The following ENTPD5 variants were observed in gnomAD, a reference collection of about 807,000 sequenced individuals.
ENTPD5 encodes nucleoside diphosphate phosphatase ENTPD5.
A neutral mutation model predicts 60.2 loss-of-function variants in ENTPD5; 49 were observed. The observed-to-expected ratio is 0.81, with a 90% CI of 0.65 to 1.03. The LOEUF (loss-of-function observed/expected upper bound fraction) is 1.03. ENTPD5 is among the 50% of genes least tolerant of loss of function. ENTPD5 has a pLI of 0.00. For missense variants in ENTPD5, 480 were observed against 507.6 expected (o/e 0.95, Z 0.52); for synonymous variants, 187 against 185.4 (o/e 1.01, Z -0.07).
chr14:73,962,170 A>G (rs1298884695), downstream of ENTPD5, among the ~76,000 whole-genome samples: 1 of 149,866 alleles, frequency 6.7e-6, no homozygotes, highest in African/African-American at 2.5e-5. Context: ...CTGGTCTTGA[A>G]CTCCTGACCT....
chr14:73,988,043 A>G lies in ENTPD5; in HGVS notation c.60T>C (p.Ala20=). The G allele has an allele frequency of 6.2e-7, 1 of 1,614,012 alleles. No homozygotes were observed. The highest frequency in any genetic ancestry group is 8.5e-7 in the Non-Finnish European group (1 of 1,180,022). Residue 20 remains alanine (A), a synonymous_variant, in exon 4 of 16, where the codon GCT becomes GCC. Transcript: ENST00000334696. ...FMLVVSCVCS[A]VSHRNQQTWF... ...AAGTCTGCTGGTTCCTGTGGGAGAC[A>G]GCGCTGCAAACACAGGATACCACCA...
chr14:73,977,709 T>G (rs1371229630), intron 6 of ENTPD5, among the ~76,000 whole-genome samples: 1 of 152,192 alleles, frequency 6.6e-6, no homozygotes, highest in African/African-American at 2.4e-5. Flanking sequence ...CCTGATAAAC[T>G]CTACCTGGAC....
intron 3 of ENTPD5, among the ~76,000 whole-genome samples, chr14:74,001,459 A>G (rs1481413613): frequency 6.0e-5 from 9 of 150,842 alleles, no homozygotes. Flanking sequence ...CCGAGATTGC[A>G]CCACTGCACT....
Position 73,999,170 on chromosome 14 carries a change from C to T in ENTPD5, c.-70-10998G>A, listed in dbSNP as rs915141436. 5.9e-5 allele frequency among the ~76,000 whole-genome samples: 9 copies of T among 152,176 alleles called. No individual in the cohort carries two copies. The East Asian group carries it at 7.7e-4, about 13-fold the overall frequency. Reference sequence around the variant, plus strand: ...GGTGGCAGACATATATAAAAATAACCGTAACTTTTTAAACTAAGCATAAAA... The same window carrying T: ...GGTGGCAGACATATATAAAAATAACTGTAACTTTTTAAACTAAGCATAAAA... On this transcript the variant is annotated intron_variant, in intron 3 of 15. Coordinates refer to ENST00000334696, the MANE Select transcript of ENTPD5 (RefSeq NM_001249.5).
At chr14:73,974,656 T>A (rs910212092) in intron 11 of ENTPD5, among the ~76,000 whole-genome samples, 1 of 152,210 alleles carries the variant, frequency 6.6e-6, no homozygotes, top group African/African-American at 2.4e-5. Flanking sequence ...AGCCTGGGAT[T>A]TCTGCAGACA....
intron 5 of ENTPD5, among the ~76,000 whole-genome samples, chr14:73,985,721 G>C (rs1433694426): frequency 6.6e-6 from 1 of 151,920 alleles, no homozygotes; most frequent in Non-Finnish European, 1.5e-5. Context: ...AGTTTCTTTT[G>C]AACAGCTCCA....
intron 2 of ENTPD5, among the ~76,000 whole-genome samples, chr14:74,013,243 GCA>G (rs1335825548): frequency 1.3e-5 from 2 of 152,274 alleles, no homozygotes; most frequent in Admixed American, 6.5e-5. Context: ...CCTATTTTAA[GCA>G]TACTCTGAAT....
chr14:73,968,916 CA>C (rs1369242559), intron 15 of ENTPD5, among the ~76,000 whole-genome samples: 1 of 152,110 alleles, frequency 6.6e-6, no homozygotes, highest in African/African-American at 2.4e-5. Context: ...TGGAGAGAGA[CA>C]GGAGGACAAA....
At position 73,985,010 on chromosome 14, in the gene ENTPD5, G is replaced by A. The variant is rs149271128; in HGVS notation, c.297+1804C>T. Among the ~76,000 whole-genome samples, 362 of 152,170 alleles carry A rather than the reference G, an allele frequency of 2.4e-3. 5 individuals carry two copies. The highest frequency in any genetic ancestry group is 8.4e-3 in the African/African-American group (347 of 41,500). On this transcript the variant is annotated intron_variant, in intron 5 of 15. Transcript: ENST00000334696. ...GCGGTGTTTGGTTTTCTGTTCTTGC[G>A]ACAGTTTGCTCAGAATGATGGTTTC...
intron 5 of ENTPD5, 91 bp downstream of exon 5, chr14:73,986,723 A>G: frequency 1.1e-6 from 1 of 887,472 alleles, no homozygotes; most frequent in Non-Finnish European, 1.9e-6. Flanking sequence ...TCTCAATCTC[A>G]TTAGTGAATA....
chr14:74,010,566 AT>A (rs2058818002), intron 3 of ENTPD5, among the ~76,000 whole-genome samples: 1 of 152,250 alleles, frequency 6.6e-6, no homozygotes, highest in African/African-American at 2.4e-5. Flanking sequence ...AAAAAAAAAA[AT>A]AAAAAGTGTT....
downstream of ENTPD5, chr14:73,958,771 TC>T: frequency 6.7e-7 from 1 of 1,484,572 alleles, no homozygotes; most frequent in Non-Finnish European, 8.9e-7. Context: ...TTCAGTCATG[TC>T]CAGCTTTGGC....
At chr14:73,986,538 C>G (rs775542279) in intron 5 of ENTPD5, 11 of 355,866 alleles carry the variant, frequency 3.1e-5, no homozygotes, top group Non-Finnish European at 5.2e-5. Flanking sequence ...ATGGCTTCAA[C>G]TCAAAATTTT....
rs1457380498 is a variant in ENTPD5 at position 74,015,359 on chromosome 14, G to A, written c.-131+465C>T. On this transcript the variant is annotated intron_variant, in intron 2 of 15. Coordinates refer to ENST00000334696, the MANE Select transcript of ENTPD5 (RefSeq NM_001249.5). ...AAAGCAGAAGTACTACCCACCCCCC[G>A]CCCCCCCTTTTTTTTTTGAGAAACA... is the stretch of plus-strand genomic sequence containing the variant. 1.2e-4 allele frequency among the ~76,000 whole-genome samples: 10 copies of A among 81,024 alleles called. No individual in the cohort carries two copies. The East Asian group carries it at 1.4e-3, about 12-fold the overall frequency. The allele number at this position is 81,024 out of a possible 152,430, so 53.2% of individuals were successfully genotyped here.
At chr14:73,987,112 ACTC>A (rs1432876695) in intron 4 of ENTPD5, 2 of 702,868 alleles carry the variant, frequency 2.8e-6, no homozygotes, top group East Asian at 2.7e-5. Context: ...TGGACACCTA[ACTC>A]CTCCACCTTT....
rs1194416157 is a variant in ENTPD5 at position 73,986,911 on chromosome 14, C to A, written c.218-18G>T. ...AAGCTGTCCTATTTTGTCCATGGAACAAAACAGAAGAGAGAGCTGGTTACC... is the reference window on the plus strand; with the variant it reads ...AAGCTGTCCTATTTTGTCCATGGAAAAAAACAGAAGAGAGAGCTGGTTACC... On this transcript the variant is annotated intron_variant, in intron 4 of 15. Coordinates refer to ENST00000334696, the MANE Select transcript of ENTPD5 (RefSeq NM_001249.5). 1.2e-6 allele frequency: 2 copies of A among 1,604,292 alleles called. No homozygotes were observed. The highest frequency in any genetic ancestry group is 1.7e-5 in the Admixed American group (1 of 59,920).
intron 3 of ENTPD5, among the ~76,000 whole-genome samples, chr14:73,990,615 C>T (rs1209718440): frequency 1.3e-5 from 2 of 151,976 alleles, no homozygotes; most frequent in East Asian, 3.9e-4. Context: ...AGGCATGAGC[C>T]ACTTCACCCA....
intron 3 of ENTPD5, among the ~76,000 whole-genome samples, chr14:74,007,318 A>T (rs561559021): frequency 6.6e-6 from 1 of 152,086 alleles, no homozygotes; most frequent in Non-Finnish European, 1.5e-5. Flanking sequence ...TCAGGAAATC[A>T]AGACCATCCT....
chr14:73,995,788 G>A (rs1044444619), intron 3 of ENTPD5, among the ~76,000 whole-genome samples: 2 of 151,994 alleles, frequency 1.3e-5, no homozygotes, highest in Non-Finnish European at 1.5e-5. Flanking sequence ...GTAGACTAGG[G>A]AGGTATGTAT....
Sources: allele counts gnomAD v4.1 joint callset (sites outside exome capture counted in the v4.1 genomes callset), GRCh38; gene constraint gnomAD v4.1.1; transcripts MANE v1.5; gene names NCBI Gene and HGNC (gene_info 2026-07-23, HGNC 2026-07-21).